Variants in ASIC2 observed in about 807,000 individuals in gnomAD.
The protein encoded by ASIC2 is acid sensing ion channel subunit 2, also known as acid-sensing ion channel 2.
ASIC2 carries 25 observed loss-of-function variants against 57.3 expected under a neutral mutation model. The observed-to-expected ratio is 0.44, with a 90% confidence interval of 0.32 to 0.61. The LOEUF is 0.61. Ranked by LOEUF, ASIC2 falls within the 20% of genes least tolerant of loss-of-function variation. The pLI, the probability that ASIC2 is intolerant of heterozygous loss-of-function variation, is 0.06. For synonymous variants in ASIC2, 319 were observed against 307.5 expected, an observed-to-expected ratio of 1.04 and a Z score of -0.39; for missense variants, 641 against 738.1, an observed-to-expected ratio of 0.87 and a Z score of 1.52.
intron 3 of ASIC2, among the ~76,000 whole-genome samples, chr17:33,058,941 A>G (rs909043857): frequency 2.0e-5 from 3 of 152,192 alleles, no homozygotes; most frequent in African/African-American, 7.2e-5. Flanking sequence ...TGATGGAAAT[A>G]TTATGCAATC....
chr17:33,645,764 C>T (rs1375197712), intron 1 of ASIC2, among the ~76,000 whole-genome samples: 1 of 152,152 alleles, frequency 6.6e-6, no homozygotes, highest in African/African-American at 2.4e-5. Context: ...CTATCTTCTG[C>T]TGGGCATTGG....
intron 1 of ASIC2, among the ~76,000 whole-genome samples, chr17:33,578,994 G>A (rs544365723): frequency 6.6e-5 from 10 of 152,194 alleles, no homozygotes; most frequent in Admixed American, 4.6e-4. Context: ...GTTATAGAAT[G>A]CAGGTTAATG....
At chr17:33,907,125 T>C (rs28380291) in intron 1 of ASIC2, among the ~76,000 whole-genome samples, 64,622 of 151,828 alleles carry the variant, frequency 0.43, 13,957 homozygotes, top group Admixed American at 0.47. Flanking sequence ...CTCAACCCAA[T>C]AGGCCAGGCA....
At chr17:34,120,875 A>C (rs1319183896) in intron 1 of ASIC2, among the ~76,000 whole-genome samples, 1 of 151,044 alleles carries the variant, frequency 6.6e-6, no homozygotes, top group Non-Finnish European at 1.5e-5. Context: ...AGTAGCTGAG[A>C]TTATAGGCGC....
At chr17:33,469,903 G>C (rs894922647) in intron 1 of ASIC2, among the ~76,000 whole-genome samples, 1 of 152,130 alleles carries the variant, frequency 6.6e-6, no homozygotes, top group South Asian at 2.1e-4. Context: ...AATGTGCCAG[G>C]CATTATGGTA....
chr17:33,372,673 C>G (rs1199322525), intron 1 of ASIC2, among the ~76,000 whole-genome samples: 1 of 152,130 alleles, frequency 6.6e-6, no homozygotes, highest in East Asian at 1.9e-4. Context: ...CTTCCTGAGT[C>G]CCCAGCCACA....
chr17:33,314,269 A>G (rs953325250), intron 1 of ASIC2, among the ~76,000 whole-genome samples: 6 of 152,206 alleles, frequency 3.9e-5, no homozygotes, highest in African/African-American at 1.4e-4. Flanking sequence ...TTAACATGAT[A>G]CTATTAATTT....
At chr17:33,896,777 T>C (rs1269713768) in intron 1 of ASIC2, among the ~76,000 whole-genome samples, 1 of 152,224 alleles carries the variant, frequency 6.6e-6, no homozygotes, top group Non-Finnish European at 1.5e-5. Flanking sequence ...CCCCATAGAT[T>C]ACAATTCACA....
At chr17:33,558,819 G>A (rs748191858) in intron 1 of ASIC2, among the ~76,000 whole-genome samples, 1 of 151,962 alleles carries the variant, frequency 6.6e-6, no homozygotes, top group African/African-American at 2.4e-5. Flanking sequence ...TTTTTAGACG[G>A]AGTCTGGCTC....
rs548526152 is a variant in ASIC2, at chr17:33,559,006, G to A, written c.556-446939C>T. 7.9e-5 allele frequency among the ~76,000 whole-genome samples: 12 copies of A among 152,204 alleles called. No homozygotes were observed. In the South Asian group the frequency reaches 2.1e-3, roughly 26 times the overall value. On this transcript the variant is annotated intron_variant, in intron 1 of 9. Coordinates refer to the ASIC2 transcript ENST00000359872. ...TGGTCTCAAACTCCTGACCTCAAGT[G>A]GTCCACTTGCCATGGGCTCCCAATT...
In ASIC2 at chr17:34,024,133, A is replaced by G. The variant is rs79468739; in HGVS notation, c.555+131845T>C. ...TATAGAGGGGCTCTTGAGAACCTGG[A>G]CTCAGTGTATGAAGAGCTGGAAGCC... On this transcript the variant is annotated intron_variant, in intron 1 of 9. Coordinates refer to the ASIC2 transcript ENST00000359872. 3.5e-3 allele frequency among the ~76,000 whole-genome samples: 529 copies of G among 152,306 alleles called. 8 individuals are homozygous for G. Among genetic ancestry groups the G allele is most frequent in the African/African-American group, 0.012 (495 of 41,564 alleles).
intron 1 of ASIC2, among the ~76,000 whole-genome samples, chr17:33,187,151 T>C (rs1007926801): frequency 2.0e-4 from 31 of 152,318 alleles, no homozygotes; most frequent in Middle Eastern, 3.4e-3. Flanking sequence ...GTCTATGAGA[T>C]GCAGCAAAAA....
chr17:33,584,631 C>T (rs1445491252), intron 1 of ASIC2, among the ~76,000 whole-genome samples: 3 of 152,234 alleles, frequency 2.0e-5, no homozygotes, highest in African/African-American at 4.8e-5. Flanking sequence ...TAGCTGAGAA[C>T]AGCCAGAAGA....
At position 33,741,918 on chromosome 17, in the gene ASIC2, C is replaced by T. The variant is rs150912757; in HGVS notation, c.555+414060G>A. On this transcript the variant is annotated intron_variant, in intron 1 of 9. Coordinates refer to the ASIC2 transcript ENST00000359872. Reference sequence around the variant, plus strand: ...AATTAGGCTAAGTGAGAATTCTTAGCTTAGTGGCCTAGCAGTGGGGAGCTC... The same window carrying T: ...AATTAGGCTAAGTGAGAATTCTTAGTTTAGTGGCCTAGCAGTGGGGAGCTC... 1.8e-3 allele frequency among the ~76,000 whole-genome samples: 268 copies of T among 152,292 alleles called. 1 individual carries two copies. The highest frequency in any genetic ancestry group is 6.4e-3 in the African/African-American group (264 of 41,568).
At chr17:34,062,911 C>A (rs557486944) in intron 1 of ASIC2, among the ~76,000 whole-genome samples, 1 of 151,974 alleles carries the variant, frequency 6.6e-6, no homozygotes, top group Non-Finnish European at 1.5e-5. Context: ...CAGTACCAGA[C>A]GAATTCACAA....
At chr17:33,082,239 A>G (rs2092115764) in intron 3 of ASIC2, among the ~76,000 whole-genome samples, 1 of 152,188 alleles carries the variant, frequency 6.6e-6, no homozygotes, top group Admixed American at 6.5e-5. Context: ...TGGGCCAACT[A>G]ATTGCCCAGA....
At chr17:33,377,639 G>T (rs920987847) in intron 1 of ASIC2, among the ~76,000 whole-genome samples, 7 of 152,140 alleles carry the variant, frequency 4.6e-5, no homozygotes, top group African/African-American at 1.4e-4. Context: ...TTCTCCTCCT[G>T]GTCCCTAGTC....
At chr17:33,522,806 C>G (rs1484833571) in intron 1 of ASIC2, among the ~76,000 whole-genome samples, 1 of 152,224 alleles carries the variant, frequency 6.6e-6, no homozygotes, top group African/African-American at 2.4e-5. Context: ...AGAGCGCCAC[C>G]TCCAGTGCAG....
chr17:33,575,542 G>A (rs776607359), intron 1 of ASIC2, among the ~76,000 whole-genome samples: 6 of 152,200 alleles, frequency 3.9e-5, no homozygotes, highest in Middle Eastern at 3.2e-3. Flanking sequence ...CTTATATGGT[G>A]GTGGTGCTTT....
Sources: gnomAD v4.1 joint callset for allele counts (sites outside exome capture counted in the v4.1 genomes callset) on GRCh38, gnomAD v4.1.1 for gene constraint, MANE v1.5 for transcripts, NCBI Gene and HGNC (gene_info 2026-07-23, HGNC 2026-07-21) for gene names.